Variants in PARD3B observed in about 807,000 individuals in gnomAD.
PARD3B encodes the protein par-3 family cell polarity regulator beta.
In PARD3B, 103 loss-of-function variants were observed where a neutral mutation model predicts 130.2. The ratio of observed to expected loss-of-function variants is 0.79; its 90% confidence interval spans 0.67 to 0.93. The LOEUF is 0.93. Among genes scored for constraint, PARD3B ranks in the 40% least tolerant of loss-of-function variants. PARD3B has a pLI of 0.00. For synonymous variants in PARD3B, 583 were observed against 553.2 expected, an observed-to-expected ratio of 1.05 and a Z score of -0.76; for missense variants, 1,609 against 1,499.2, an observed-to-expected ratio of 1.07 and a Z score of -1.21.
Position 204,715,410 on chromosome 2 carries a change from A to G in PARD3B, c.222+29128A>G, listed in dbSNP as rs529078430. On this transcript the variant is annotated intron_variant, in intron 2 of 22. Coordinates refer to ENST00000406610, the MANE Select transcript of PARD3B (RefSeq NM_001302769.2). ...TAGATTTCACCAGACAAGAATTTGTATTTTCATTAGAAAAGTCTGCTCTTC... is the reference window on the plus strand; with the variant it reads ...TAGATTTCACCAGACAAGAATTTGTGTTTTCATTAGAAAAGTCTGCTCTTC... Among the ~76,000 whole-genome samples, 79 of 150,446 alleles carry G rather than the reference A, an allele frequency of 5.3e-4. 1 individual carries two copies. Among genetic ancestry groups the G allele is most frequent in the Non-Finnish European group, 9.7e-4 (66 of 67,694 alleles).
At chr2:205,296,638 C>A (rs2041801459) in intron 16 of PARD3B, among the ~76,000 whole-genome samples, 1 of 150,696 alleles carries the variant, frequency 6.6e-6, no homozygotes, top group South Asian at 2.1e-4. Context: ...CAGCTTAACT[C>A]TTTAGTCTTG....
chr2:204,590,482 G>A (rs2033029204), intron 1 of PARD3B, among the ~76,000 whole-genome samples: 1 of 152,182 alleles, frequency 6.6e-6, no homozygotes, highest in African/African-American at 2.4e-5. Context: ...TGATGTGGGT[G>A]TTAAAGCCCA....
At chr2:204,653,470 A>G (rs1326204282) in intron 1 of PARD3B, among the ~76,000 whole-genome samples, 1 of 150,920 alleles carries the variant, frequency 6.6e-6, no homozygotes, top group Non-Finnish European at 1.5e-5. Flanking sequence ...CTCATGATCT[A>G]TGGCAGCTTT....
intron 2 of PARD3B, among the ~76,000 whole-genome samples, chr2:204,919,356 T>C (rs1559259142): frequency 6.6e-6 from 1 of 152,222 alleles, no homozygotes; most frequent in African/African-American, 2.4e-5. Context: ...TATCAAGATA[T>C]GAAACACTGC....
At chr2:204,774,296 G>T (rs555648900) in intron 2 of PARD3B, among the ~76,000 whole-genome samples, 127 of 152,048 alleles carry the variant, frequency 8.4e-4, no homozygotes, top group Non-Finnish European at 1.5e-3. Flanking sequence ...GCTCTGTGAG[G>T]ATGGGAACTT....
chr2:204,817,056 A>T (rs1330551172), intron 2 of PARD3B, among the ~76,000 whole-genome samples: 6 of 151,816 alleles, frequency 4.0e-5, no homozygotes, highest in Admixed American at 3.9e-4. Flanking sequence ...TGTAGTTTTT[A>T]TCTCTAGAAG....
chr2:205,119,053 A>AT lies in PARD3B; in HGVS notation c.806+13dup. 1.3e-6 allele frequency: 2 copies of AT among 1,595,218 alleles called. No homozygotes were observed. Among genetic ancestry groups the AT allele is most frequent in the Non-Finnish European group, 1.7e-6 (2 of 1,173,264 alleles). ...TAGACAAAACCTTTGCTCAGTAAGC[A>AT]TTTTTTCATTGTTTTATTTACTTTC... On this transcript the variant is annotated splice_region_variant and intron_variant, in intron 7 of 22. Coordinates refer to ENST00000406610, the MANE Select transcript of PARD3B (RefSeq NM_001302769.2).
intron 10 of PARD3B, among the ~76,000 whole-genome samples, chr2:205,147,395 G>C (rs1246583818): frequency 2.0e-5 from 3 of 151,828 alleles, no homozygotes; most frequent in Non-Finnish European, 4.4e-5. Flanking sequence ...TTTAATCTCT[G>C]ACTTAATATT....
intron 4 of PARD3B, among the ~76,000 whole-genome samples, chr2:205,054,569 A>T (rs768581960): frequency 9.3e-5 from 14 of 150,148 alleles, no homozygotes; most frequent in Non-Finnish European, 1.6e-4. Flanking sequence ...TACATTAGGT[A>T]TATCTCCTAA....
At chr2:204,893,587 G>A (rs746489920) in intron 2 of PARD3B, among the ~76,000 whole-genome samples, 15 of 152,120 alleles carry the variant, frequency 9.9e-5, no homozygotes, top group Non-Finnish European at 1.8e-4. Flanking sequence ...AATGTGAAAA[G>A]ATACAGCACA....
chr2:204,892,598 G>A (rs887704130), intron 2 of PARD3B, among the ~76,000 whole-genome samples: 21 of 152,172 alleles, frequency 1.4e-4, no homozygotes, highest in African/African-American at 4.6e-4. Context: ...ACAGTAATAG[G>A]ATCACTAGCT....
intron 2 of PARD3B, among the ~76,000 whole-genome samples, chr2:204,737,489 C>G (rs907127819): frequency 6.6e-6 from 1 of 152,142 alleles, no homozygotes; most frequent in Non-Finnish European, 1.5e-5. Flanking sequence ...AGTCCTTAGT[C>G]AGATGTGAAC....
At chr2:204,852,079 G>A (rs1480358423) in intron 2 of PARD3B, among the ~76,000 whole-genome samples, 1 of 152,114 alleles carries the variant, frequency 6.6e-6, no homozygotes, top group Non-Finnish European at 1.5e-5. Flanking sequence ...ATATAAGGAA[G>A]GTGTTAGAAA....
At chr2:205,380,921 TATAA>T (rs1559034919) in intron 18 of PARD3B, among the ~76,000 whole-genome samples, 3 of 100,908 alleles carry the variant, frequency 3.0e-5, no homozygotes, top group South Asian at 3.2e-4. Flanking sequence ...AAAGAATATA[TATAA>T]TATATAAAGA....
In PARD3B at chr2:205,014,620, C is replaced by G. The variant is rs188882549; in HGVS notation, c.395-32961C>G. Reference sequence around the variant, plus strand: ...AGATTATCTTGGATTAAGAAAATAACTTATTCAACAAGTATTTATTGAGCA... The same window carrying G: ...AGATTATCTTGGATTAAGAAAATAAGTTATTCAACAAGTATTTATTGAGCA... On this transcript the variant is annotated intron_variant, in intron 3 of 22. Transcript: ENST00000406610. 7.7e-4 allele frequency among the ~76,000 whole-genome samples: 117 copies of G among 152,294 alleles called. 1 individual carries two copies. The East Asian group carries it at 0.014, about 18-fold the overall frequency.
Position 204,623,808 on chromosome 2 carries a change from T to G in PARD3B, c.121-62373T>G, listed in dbSNP as rs76252597. On this transcript the variant is annotated intron_variant, in intron 1 of 22. Coordinates refer to ENST00000406610, the MANE Select transcript of PARD3B (RefSeq NM_001302769.2). The surrounding 1 kb of genome is among the most constrained non-coding windows in gnomAD (Gnocchi z 4.5). ...TTTATACCCATTGAATAGCAACTGC[T>G]TATTTCTCCCTGTCCCCAACTAACA... Among the ~76,000 whole-genome samples the G allele has an allele frequency of 9.1e-3, 1,383 of 152,320 alleles. 25 individuals carry two copies. The highest frequency in any genetic ancestry group is 0.032 in the African/African-American group (1,322 of 41,578).
chr2:204,957,153 C>T (rs1012152031), intron 2 of PARD3B, among the ~76,000 whole-genome samples: 2 of 152,104 alleles, frequency 1.3e-5, no homozygotes, highest in African/African-American at 4.8e-5. Context: ...GATAACATAT[C>T]ATCTTTGAAA....
chr2:205,423,734 T>C (rs1301068994), intron 19 of PARD3B, among the ~76,000 whole-genome samples: 2 of 152,174 alleles, frequency 1.3e-5, no homozygotes, highest in Non-Finnish European at 2.9e-5. Flanking sequence ...GTGATACCTA[T>C]ACACCGTGGA....
chr2:205,347,317 T>C (rs2043830728), intron 18 of PARD3B, among the ~76,000 whole-genome samples: 1 of 152,006 alleles, frequency 6.6e-6, no homozygotes, highest in Non-Finnish European at 1.5e-5. Context: ...CTTTAAAAAA[T>C]AAAAATAAAA....
Sources: gnomAD v4.1 joint callset for allele counts (sites outside exome capture counted in the v4.1 genomes callset) on GRCh38, gnomAD v4.1.1 for gene constraint, Gnocchi (gnomAD v3.1) non-coding constraint, MANE v1.5 for transcripts, NCBI Gene and HGNC (gene_info 2026-07-23, HGNC 2026-07-21) for gene names.